Variants in COL18A1 observed in about 807,000 individuals in gnomAD.
COL18A1 encodes collagen type XVIII alpha 1 chain.
Under a neutral mutation model 168.0 loss-of-function variants are expected in COL18A1, and 133 were observed. That is an observed-to-expected ratio of 0.79 (90% CI 0.69 to 0.91). COL18A1 has a LOEUF of 0.91. Among genes scored for constraint, COL18A1 ranks in the 40% least tolerant of loss-of-function variants. The probability of loss-of-function intolerance (pLI) is 0.00; values close to 1 mark genes in which losing one functional copy is unlikely to be tolerated. For synonymous variants in COL18A1, 949 were observed against 809.0 expected (o/e 1.17, Z -2.94); for missense variants, 2,126 against 1,925.4 (o/e 1.10, Z -1.95).
intron 17 of COL18A1, 23 bp downstream of exon 17, chr21:45,487,532 G>A (rs750189451): frequency 6.2e-7 from 1 of 1,611,776 alleles, no homozygotes; most frequent in Non-Finnish European, 8.5e-7. Flanking sequence ...GCTGGGCGTG[G>A]CCGGCTCTGA....
chr21:45,465,724 G>A (rs2035178646), intron 2 of COL18A1, among the ~76,000 whole-genome samples: 1 of 152,304 alleles, frequency 6.6e-6, no homozygotes, highest in African/African-American at 2.4e-5. Flanking sequence ...CAAAGGGGCA[G>A]CAGAGACTCC....
intron 41 of COL18A1, among the ~76,000 whole-genome samples, chr21:45,511,819 G>A (rs2146146488): frequency 6.6e-6 from 1 of 152,340 alleles, no homozygotes; most frequent in South Asian, 2.1e-4. Context: ...GGGCAGGGCT[G>A]GGCCCCAGGG....
At chr21:45,497,482 C>T in intron 31 of COL18A1, 117 bp from the exon 32 acceptor site, 1 of 1,353,564 alleles carries the variant, frequency 7.4e-7, no homozygotes, top group Non-Finnish European at 1.0e-6. Flanking sequence ...TCCCCATGTC[C>T]ATCTGATGCC....
chr21:45,428,291 G>A (rs962991261), intron 2 of COL18A1, among the ~76,000 whole-genome samples: 1 of 152,142 alleles, frequency 6.6e-6, no homozygotes, highest in African/African-American at 2.4e-5. Flanking sequence ...TGAGGAAGGT[G>A]GGGCCAGGGG....
rs2033778770 is a variant in COL18A1, at chr21:45,425,740, C to T, written c.106+20267C>T. Among the ~76,000 whole-genome samples the T allele has an allele frequency of 6.6e-6, 1 of 152,158 alleles. No individual in the cohort carries two copies. Among genetic ancestry groups the T allele is most frequent in the Non-Finnish European group, 1.5e-5 (1 of 68,024 alleles). ...ACATCCCTGGGGGCCTGTGGTGACCCCCATCCTCCCCAGGGTGGTCTGGCA... is the reference window on the plus strand; with the variant it reads ...ACATCCCTGGGGGCCTGTGGTGACCTCCATCCTCCCCAGGGTGGTCTGGCA... On this transcript the variant is annotated intron_variant, in intron 2 of 41. Coordinates refer to ENST00000651438, the MANE Select transcript of COL18A1 (RefSeq NM_001379500.1). The surrounding 1 kb of genome is among the most constrained non-coding windows in gnomAD (Gnocchi z 4.1).
chr21:45,428,992 T>A (rs890174107), intron 2 of COL18A1, among the ~76,000 whole-genome samples: 21 of 151,718 alleles, frequency 1.4e-4, no homozygotes, highest in Non-Finnish European at 2.9e-4. Context: ...AACCTCTGCC[T>A]CCCAGGTTCA....
intron 2 of COL18A1, among the ~76,000 whole-genome samples, chr21:45,434,803 G>A (rs1460300226): frequency 3.3e-5 from 5 of 152,232 alleles, no homozygotes; most frequent in Admixed American, 6.5e-5. Context: ...CCCCAGAGCC[G>A]GGCTTCCCGG....
chr21:45,482,944 C>G, intron 15 of COL18A1, 123 bp downstream of exon 15: 1 of 1,398,120 alleles, frequency 7.2e-7, no homozygotes, highest in Non-Finnish European at 1.0e-6. Context: ...TGGCCTTGAC[C>G]CCCACTCCTG....
chr21:45,406,151 C>T (rs1188051838), intron 2 of COL18A1, among the ~76,000 whole-genome samples: 1 of 152,218 alleles, frequency 6.6e-6, no homozygotes, highest in African/African-American at 2.4e-5. Flanking sequence ...GACCCAGTTC[C>T]CCACCACCTG....
intron 26 of COL18A1, chr21:45,494,328 G>T (rs192701728): frequency 5.3e-6 from 3 of 562,468 alleles, no homozygotes; most frequent in Admixed American, 2.7e-5. Context: ...CCCCAAACCC[G>T]ACCCTCCCCT....
At chr21:45,414,434 G>A (rs545795092) in intron 2 of COL18A1, among the ~76,000 whole-genome samples, 160 of 152,356 alleles carry the variant, frequency 1.1e-3, no homozygotes, top group African/African-American at 3.8e-3. Flanking sequence ...TTTCTATTGT[G>A]AAAATGACTG....
intron 2 of COL18A1, among the ~76,000 whole-genome samples, chr21:45,408,800 C>T (rs1243624571): frequency 2.6e-5 from 4 of 152,164 alleles, no homozygotes; most frequent in African/African-American, 7.2e-5. Flanking sequence ...GGCTGTGGAG[C>T]GTATGTTGGA....
At chr21:45,465,249 C>A (rs890826877) in intron 2 of COL18A1, among the ~76,000 whole-genome samples, 1 of 152,218 alleles carries the variant, frequency 6.6e-6, no homozygotes, top group African/African-American at 2.4e-5. Flanking sequence ...AGCTGAGCCA[C>A]CCCACCTGTG....
intron 18 of COL18A1, among the ~76,000 whole-genome samples, 170 bp from the exon 19 acceptor site, chr21:45,489,316 G>A (rs1225230038): frequency 7.2e-5 from 11 of 152,296 alleles, no homozygotes; most frequent in East Asian, 5.8e-4. Flanking sequence ...CTGGGCCCAC[G>A]GGGTCCCTGC....
chr21:45,506,219 G>A, intron 37 of COL18A1: 1 of 527,796 alleles, frequency 1.9e-6, no homozygotes, highest in South Asian at 2.0e-5. Flanking sequence ...GGTGGGTCAT[G>A]TCACAGTGAA....
rs1568892961 is a variant in COL18A1, at chr21:45,468,492, C to G, written c.357C>G (p.Val119=). Residue 119 remains valine (V), a synonymous_variant, in exon 3 of 42, where the codon GTC becomes GTG. Coordinates refer to ENST00000651438, the MANE Select transcript of COL18A1 (RefSeq NM_001379500.1). ...TCACGGACTCGGCGCAGGCCATGGT[C>G]TTGCTGGGCGTGAAGCTCTCTGGGG... ...FAITDSAQAM[V]LLGVKLSGVQ... 1 of 1,613,916 alleles carries G rather than the reference C, an allele frequency of 6.2e-7. No homozygotes were observed.
chr21:45,505,132 A>G lies in COL18A1; in HGVS notation c.2869-2A>G. On this transcript the variant is annotated splice_acceptor_variant, in intron 34 of 41. Transcript: ENST00000651438. LOFTEE classifies it high-confidence loss of function. ...GGAAGCGTCTCTTGTCGCCGTCCGT[A>G]GGGTCCCAAGGGAGAGAGCATCCGG... 6.2e-7 allele frequency: 1 copy of G among 1,608,800 alleles called. No individual in the cohort carries two copies. Among genetic ancestry groups the G allele is most frequent in the South Asian group, 1.1e-5 (1 of 90,678 alleles).
chr21:45,489,420 G>T, intron 18 of COL18A1, 66 bp from the exon 19 acceptor site: 1 of 1,201,432 alleles, frequency 8.3e-7, no homozygotes. Flanking sequence ...CTTCACCCGG[G>T]GTGGACGCTG....
At chr21:45,474,803 G>GACGTGGAGCCACAGCCTCGCT (rs1568899770) in intron 4 of COL18A1, among the ~76,000 whole-genome samples, 1 of 146,948 alleles carries the variant, frequency 6.8e-6, no homozygotes, top group African/African-American at 2.5e-5. Flanking sequence ...AGACACCGTG[G>GACGTGGAGCCACAGCCTCGCT]CTGGACTGTG....
Sources: allele counts gnomAD v4.1 joint callset (sites outside exome capture counted in the v4.1 genomes callset), GRCh38; gene constraint gnomAD v4.1.1; non-coding constraint Gnocchi (gnomAD v3.1); transcripts MANE v1.5; gene names NCBI Gene and HGNC (gene_info 2026-07-23, HGNC 2026-07-21).